The following NTRK3 variants were observed in gnomAD, a reference collection of about 807,000 sequenced individuals.
The protein encoded by NTRK3 is neurotrophic receptor tyrosine kinase 3.
Under a neutral mutation model 91.7 loss-of-function variants are expected in NTRK3, and 24 were observed. That is an observed-to-expected ratio of 0.26 (90% CI 0.19 to 0.37). The LOEUF (loss-of-function observed/expected upper bound fraction) is 0.37. NTRK3 is among the 10% of genes least tolerant of loss of function. The probability of loss-of-function intolerance (pLI) is 1.00; values close to 1 mark genes in which losing one functional copy is unlikely to be tolerated. For missense variants in NTRK3, 880 were observed against 1,068.9 expected, an observed-to-expected ratio of 0.82 and a Z score of 2.46; for synonymous variants, 483 against 404.0, an observed-to-expected ratio of 1.20 and a Z score of -2.34.
At chr15:88,135,521 C>G in intron 9 of NTRK3, 124 bp from the exon 10 acceptor site, 1 of 1,099,926 alleles carries the variant, frequency 9.1e-7, no homozygotes, top group Non-Finnish European at 1.3e-6. Flanking sequence ...CTGAGGGAAG[C>G]AGAAGTCCCA....
intron 14 of NTRK3, chr15:87,981,235 T>C (rs1203127311): frequency 6.3e-7 from 1 of 1,587,102 alleles, no homozygotes; most frequent in Non-Finnish European, 8.6e-7. Context: ...CCATGTGACC[T>C]TGGGTAAGAC....
exon 19 of NTRK3, chr15:87,869,283 G>A (rs2064765133): frequency 8.7e-6 from 2 of 230,604 alleles, no homozygotes; most frequent in South Asian, 3.6e-4. Context: ...AGTGGGGAGA[G>A]GAGGGTTGCT....
Position 88,237,255 on chromosome 15 carries a change from C to G in NTRK3, c.248+18651G>C, listed in dbSNP as rs1368081055. 6.6e-6 allele frequency among the ~76,000 whole-genome samples: 1 copy of G among 152,176 alleles called. No homozygotes were observed. Among genetic ancestry groups the G allele is most frequent in the Non-Finnish European group, 1.5e-5 (1 of 68,034 alleles). On this transcript the variant is annotated intron_variant, in intron 3 of 18. Transcript: ENST00000394480. This position sits in a 1 kb window ranked among gnomAD's most constrained non-coding sequence, Gnocchi z 4.0. ...TGGATGTTCACAGCAAAATTTTCAA[C>G]TTCTCTGTATGTTTGAGGATTTGCA...
At chr15:88,046,243 T>G (rs1214891388) in intron 13 of NTRK3, among the ~76,000 whole-genome samples, 1 of 152,170 alleles carries the variant, frequency 6.6e-6, no homozygotes, top group Non-Finnish European at 1.5e-5. Flanking sequence ...TCTAGAATCC[T>G]TGAAAGTGAC....
chr15:88,008,094 A>G (rs2076618565), intron 14 of NTRK3, among the ~76,000 whole-genome samples: 1 of 152,196 alleles, frequency 6.6e-6, no homozygotes, highest in Non-Finnish European at 1.5e-5. Flanking sequence ...TGTCCCCTGA[A>G]GCAAAGTAAC....
intron 13 of NTRK3, among the ~76,000 whole-genome samples, chr15:88,105,772 G>C (rs2050639902): frequency 6.6e-6 from 1 of 152,076 alleles, no homozygotes; most frequent in Non-Finnish European, 1.5e-5. Context: ...TAAGCCAGTG[G>C]TGGCCACTTC....
At chr15:87,884,338 A>C (rs2065415159) in intron 17 of NTRK3, among the ~76,000 whole-genome samples, 1 of 151,678 alleles carries the variant, frequency 6.6e-6, no homozygotes, top group Admixed American at 6.6e-5. Flanking sequence ...AATTGTAAAA[A>C]AAATCTATAC....
exon 19 of NTRK3, chr15:87,874,593 C>T (rs1414526231): frequency 8.6e-6 from 2 of 232,896 alleles, no homozygotes; most frequent in Non-Finnish European, 1.7e-5. Context: ...GCCAAGAAGA[C>T]AGAAGCCACA....
At chr15:88,148,639 C>T (rs1030176291) in intron 5 of NTRK3, among the ~76,000 whole-genome samples, 7 of 152,120 alleles carry the variant, frequency 4.6e-5, no homozygotes, top group South Asian at 4.2e-4. Context: ...GAGGCATTCA[C>T]GCCACACTTG....
chr15:88,207,565 T>A (rs2048897685), intron 3 of NTRK3, among the ~76,000 whole-genome samples: 1 of 152,198 alleles, frequency 6.6e-6, no homozygotes, highest in Non-Finnish European at 1.5e-5. Context: ...CAAAGCAGTA[T>A]ATTAGGGGGA....
intron 17 of NTRK3, among the ~76,000 whole-genome samples, chr15:87,919,386 C>T (rs114449941): frequency 0.024 from 3,654 of 152,222 alleles, 57 homozygotes; most frequent in Middle Eastern, 0.037. Flanking sequence ...TTGTTAGAGC[C>T]CGGTTCTTTG....
At chr15:87,875,757 C>A in exon 19 of NTRK3, 1 of 233,060 alleles carries the variant, frequency 4.3e-6, no homozygotes, top group East Asian at 6.0e-5. Flanking sequence ...GCTGCAGCCT[C>A]TCACTAGACC....
At chr15:87,978,921 CAGGGA>C in intron 14 of NTRK3, 1 of 321,648 alleles carries the variant, frequency 3.1e-6, no homozygotes, top group Non-Finnish European at 5.8e-6. Flanking sequence ...CTGGGAGAGC[CAGGGA>C]GACCCCACGC....
chr15:88,001,621 C>T (rs1299340885), intron 14 of NTRK3, among the ~76,000 whole-genome samples: 1 of 152,130 alleles, frequency 6.6e-6, no homozygotes, highest in Non-Finnish European at 1.5e-5. Flanking sequence ...ATTGTTTTGG[C>T]AACATTGTTG....
chr15:88,083,290 G>A (rs903023076), intron 13 of NTRK3, among the ~76,000 whole-genome samples: 2 of 152,032 alleles, frequency 1.3e-5, no homozygotes, highest in Admixed American at 6.5e-5. Context: ...GCCCAATCTC[G>A]GCTCACTGCA....
chr15:88,021,984 T>G (rs2077628873), intron 14 of NTRK3, among the ~76,000 whole-genome samples: 2 of 152,146 alleles, frequency 1.3e-5, no homozygotes, highest in African/African-American at 4.8e-5. Context: ...AAAATAAGAA[T>G]GTCTGACTCC....
intron 13 of NTRK3, among the ~76,000 whole-genome samples, chr15:88,064,654 C>A (rs1021811703): frequency 6.6e-6 from 1 of 152,150 alleles, no homozygotes; most frequent in Admixed American, 6.5e-5. Context: ...CTTCCAGTGC[C>A]CCCTCCACTG....
At chr15:88,072,320 T>C in intron 13 of NTRK3, 1 of 189,744 alleles carries the variant, frequency 5.3e-6, no homozygotes, top group Non-Finnish European at 1.1e-5. Context: ...ATCCTTTTCA[T>C]ACTCCCCTCA....
chr15:88,010,849 CCTAA>C (rs1357211176), intron 14 of NTRK3, among the ~76,000 whole-genome samples: 1 of 152,050 alleles, frequency 6.6e-6, no homozygotes, highest in Non-Finnish European at 1.5e-5. Context: ...TCTCCGTGTG[CCTAA>C]CTCATTCACC....
Sources: allele counts gnomAD v4.1 joint callset (sites outside exome capture counted in the v4.1 genomes callset), GRCh38; gene constraint gnomAD v4.1.1; non-coding constraint Gnocchi (gnomAD v3.1); transcripts MANE v1.5; gene names NCBI Gene and HGNC (gene_info 2026-07-23, HGNC 2026-07-21).